EXOC4: variants seen among roughly 807,000 people sequenced by gnomAD.
EXOC4 encodes the protein exocyst complex component 4, also known as SEC8-like 1.
EXOC4 carries 71 observed loss-of-function variants against 107.2 expected under a neutral mutation model. That is an observed-to-expected ratio of 0.66 (90% CI 0.55 to 0.81). The LOEUF (loss-of-function observed/expected upper bound fraction) is 0.81, where lower values mean the gene tolerates loss of function less well. Among genes scored for constraint, EXOC4 ranks in the 30% least tolerant of loss-of-function variants. EXOC4 has a pLI of 0.00. For missense variants in EXOC4, 1,108 were observed against 1,189.6 expected, an observed-to-expected ratio of 0.93 and a Z score of 1.01; for synonymous variants, 456 against 441.2, an observed-to-expected ratio of 1.03 and a Z score of -0.42.
At chr7:133,414,412 T>C (rs1006907864) in intron 7 of EXOC4, among the ~76,000 whole-genome samples, 3 of 152,192 alleles carry the variant, frequency 2.0e-5, no homozygotes, top group South Asian at 4.1e-4. Flanking sequence ...TCTAGAAATA[T>C]CTGGTAAAGT....
rs371054212 is a variant in EXOC4 at position 133,821,241 on chromosome 7, A to G, written c.1734+3697A>G. Reference sequence around the variant, plus strand: ...TTGCAAGTGTTTAAAATGTATGGCAACTCTGAGTGGTATTCTTTTTATGAG... The same window carrying G: ...TTGCAAGTGTTTAAAATGTATGGCAGCTCTGAGTGGTATTCTTTTTATGAG... On this transcript the variant is annotated intron_variant, in intron 11 of 17. Transcript: ENST00000253861. Among the ~76,000 whole-genome samples, 17 of 152,316 alleles carry G rather than the reference A, an allele frequency of 1.1e-4. No individual in the cohort carries two copies. In the South Asian group the frequency reaches 3.5e-3, roughly 32 times the overall value.
intron 6 of EXOC4, among the ~76,000 whole-genome samples, chr7:133,371,605 T>C (rs1796379265): frequency 2.0e-5 from 3 of 152,224 alleles, no homozygotes; most frequent in Admixed American, 2.0e-4. Flanking sequence ...TTCTATTGTA[T>C]GAATATACCG....
At chr7:133,364,406 C>G (rs1222185230) in intron 6 of EXOC4, among the ~76,000 whole-genome samples, 1 of 136,120 alleles carries the variant, frequency 7.3e-6, no homozygotes, top group East Asian at 2.0e-4. Flanking sequence ...TCCCAAAATA[C>G]TGGGATTACA....
In EXOC4 at chr7:133,611,175, A is replaced by G. The variant is rs575859639; in HGVS notation, c.1418-18870A>G. 3.9e-5 allele frequency among the ~76,000 whole-genome samples: 6 copies of G among 152,204 alleles called. No homozygotes were observed. In the East Asian group the frequency reaches 1.2e-3, roughly 29 times the overall value. Reference sequence around the variant, plus strand: ...GTAATTGTTAGATTGTTACTCCCCAAGAAAATAAGCCAGTGAAATAGGAAT... The same window carrying G: ...GTAATTGTTAGATTGTTACTCCCCAGGAAAATAAGCCAGTGAAATAGGAAT... On this transcript the variant is annotated intron_variant, in intron 9 of 17. Transcript: ENST00000253861.
In EXOC4 at chr7:134,064,374, A is replaced by G. The variant is rs1239885003; in HGVS notation, c.2771A>G (p.Glu924Gly). ...CAGGGTGTGAAGTACACGGAGCTGG[A>G]GTACATCCACGCTCTGACCCTGCTG... ...VDQGVKYTEL[E>G]YIHALTLLHR... is the part of the protein sequence containing the mutation. The change falls in exon 18 of 18, where the codon GAG (glutamate) becomes GGG (glycine). Residue 924 changes from glutamate to glycine, a missense_variant. Physicochemically the swap from Glu to Gly is moderately conservative, Grantham distance 98. Transcript: ENST00000253861. 2 of 1,582,104 alleles carry G rather than the reference A, an allele frequency of 1.3e-6. No homozygotes were observed. The highest frequency in any genetic ancestry group is 1.1e-5 in the South Asian group (1 of 87,376).
intron 5 of EXOC4, among the ~76,000 whole-genome samples, chr7:133,349,739 G>T (rs781584239): frequency 6.6e-6 from 1 of 151,966 alleles, no homozygotes; most frequent in African/African-American, 2.4e-5. Context: ...TTGAGGAACC[G>T]CAATATGGGT....
intron 17 of EXOC4, among the ~76,000 whole-genome samples, chr7:134,016,005 A>AT (rs1384818643): frequency 6.6e-6 from 1 of 152,014 alleles, no homozygotes; most frequent in East Asian, 1.9e-4. Context: ...TTGGAGAGTG[A>AT]TTGAATAGTG....
chr7:133,404,409 C>T (rs1396851948), intron 7 of EXOC4, among the ~76,000 whole-genome samples: 3 of 152,080 alleles, frequency 2.0e-5, no homozygotes, highest in Admixed American at 2.0e-4. Flanking sequence ...AGCCCCTTAA[C>T]ATTTAAACTC....
At chr7:133,934,079 A>T (rs889729684) in intron 13 of EXOC4, among the ~76,000 whole-genome samples, 4 of 152,236 alleles carry the variant, frequency 2.6e-5, no homozygotes, top group Non-Finnish European at 5.9e-5. Context: ...ATGAAAAATA[A>T]GCTACACCAA....
intron 17 of EXOC4, among the ~76,000 whole-genome samples, chr7:134,053,937 T>A (rs1036080683): frequency 2.0e-5 from 3 of 151,938 alleles, no homozygotes; most frequent in Non-Finnish European, 4.4e-5. Flanking sequence ...TTATTTTAAT[T>A]TATTTTATTT....
At chr7:133,387,970 T>C (rs1220166542) in intron 7 of EXOC4, among the ~76,000 whole-genome samples, 1 of 151,244 alleles carries the variant, frequency 6.6e-6, no homozygotes, top group Non-Finnish European at 1.5e-5. Context: ...AGATGGGCTT[T>C]GGGGGGTTTG....
Position 133,895,600 on chromosome 7 carries a change from G to T in EXOC4, c.1736G>T (p.Ser579Ile). 1 of 1,613,682 alleles carries T rather than the reference G, an allele frequency of 6.2e-7. No individual in the cohort carries two copies. Among genetic ancestry groups the T allele is most frequent in the Non-Finnish European group, 8.5e-7 (1 of 1,179,762 alleles). The change falls in exon 12 of 18, where the codon AGC (serine) becomes ATC (isoleucine). Residue 579 changes from serine to isoleucine, a missense_variant and splice_region_variant. Coordinates refer to ENST00000253861, the MANE Select transcript of EXOC4 (RefSeq NM_021807.4). ...VLGVQRPLLQSTIIVEKTVQD... is the reference protein window; with the variant it reads ...VLGVQRPLLQITIIVEKTVQD... ...CCTCTCTTTGTTGTTCATTTCCAGA[G>T]CACAATCATTGTGGAGAAGACAGTT... is the stretch of plus-strand genomic sequence containing the variant.
chr7:133,281,997 C>G (rs1794167683), intron 2 of EXOC4, among the ~76,000 whole-genome samples: 1 of 152,110 alleles, frequency 6.6e-6, no homozygotes. Context: ...GCGATCACGC[C>G]CAGACAAATT....
At chr7:133,843,691 A>C (rs1242585586) in intron 11 of EXOC4, among the ~76,000 whole-genome samples, 1 of 151,910 alleles carries the variant, frequency 6.6e-6, no homozygotes, top group Non-Finnish European at 1.5e-5. Context: ...CAGGACTTCC[A>C]GTAATATGTT....
chr7:133,912,116 G>A (rs750250103), intron 12 of EXOC4, among the ~76,000 whole-genome samples: 6 of 152,194 alleles, frequency 3.9e-5, no homozygotes, highest in African/African-American at 7.2e-5. Context: ...CAGCTGATGG[G>A]TAGGTTTGGC....
intron 17 of EXOC4, among the ~76,000 whole-genome samples, chr7:134,023,681 T>C (rs954393295): frequency 2.0e-5 from 3 of 152,224 alleles, no homozygotes; most frequent in Non-Finnish European, 2.9e-5. Flanking sequence ...GCCATTGCGC[T>C]ATACAGCTTA....
intron 9 of EXOC4, among the ~76,000 whole-genome samples, chr7:133,508,496 T>C (rs1799707811): frequency 6.6e-6 from 1 of 152,208 alleles, no homozygotes; most frequent in Non-Finnish European, 1.5e-5. Flanking sequence ...CTGTTTCCTC[T>C]TTAACACTGT....
chr7:133,323,223 C>T (rs974674064), intron 5 of EXOC4, among the ~76,000 whole-genome samples: 1 of 152,118 alleles, frequency 6.6e-6, no homozygotes, highest in Non-Finnish European at 1.5e-5. Context: ...TGCCTGATTG[C>T]CCTGGCCAGA....
At chr7:133,941,593 C>T (rs1175178617) in intron 14 of EXOC4, among the ~76,000 whole-genome samples, 4 of 152,178 alleles carry the variant, frequency 2.6e-5, no homozygotes, top group Non-Finnish European at 4.4e-5. Flanking sequence ...ACCACTCTTG[C>T]ATTTCCCCTA....
Sources: allele counts gnomAD v4.1 joint callset (sites outside exome capture counted in the v4.1 genomes callset), GRCh38; gene constraint gnomAD v4.1.1; transcripts MANE v1.5; gene names NCBI Gene and HGNC (gene_info 2026-07-23, HGNC 2026-07-21).